The following SCAF8 variants were observed in gnomAD, a reference collection of about 807,000 sequenced individuals.
SCAF8 encodes SR-related and CTD-associated factor 8.
Under a neutral mutation model 140.5 loss-of-function variants are expected in SCAF8, and 23 were observed. The ratio of observed to expected loss-of-function variants is 0.16; its 90% CI spans 0.12 to 0.23. SCAF8 has a LOEUF of 0.23. Among genes scored for constraint, SCAF8 ranks in the 10% least tolerant of loss-of-function variants. The pLI, the probability that SCAF8 is intolerant of heterozygous loss-of-function variation, is 1.00. For synonymous variants in SCAF8, 575 were observed against 528.9 expected (o/e 1.09, Z -1.20); for missense variants, 1,397 against 1,555.7 (o/e 0.90, Z 1.72).
At chr6:154,749,365 T>C (rs1778784751) in intron 1 of SCAF8, among the ~76,000 whole-genome samples, 1 of 152,150 alleles carries the variant, frequency 6.6e-6, no homozygotes, top group African/African-American at 2.4e-5. Context: ...TAGCATCTGG[T>C]GGTTGGAAAG....
chr6:154,737,224 A>G (rs1032196391), intron 1 of SCAF8, among the ~76,000 whole-genome samples: 7 of 152,340 alleles, frequency 4.6e-5, no homozygotes, highest in Admixed American at 4.6e-4. Context: ...AAAGGTGTTT[A>G]TCTTTGGGTT....
At chr6:154,811,205 T>C (rs903559116) in intron 12 of SCAF8, among the ~76,000 whole-genome samples, 1 of 152,194 alleles carries the variant, frequency 6.6e-6, no homozygotes, top group Admixed American at 6.5e-5. Flanking sequence ...ATTTTAGTGC[T>C]GGCTGATAAA....
intron 10 of SCAF8, 64 bp downstream of exon 10, chr6:154,808,265 T>G: frequency 6.8e-7 from 1 of 1,460,596 alleles, no homozygotes; most frequent in South Asian, 1.2e-5. Flanking sequence ...CATAAAATAT[T>G]TTATACTAGC....
chr6:154,807,869 G>C (rs1359466069), intron 9 of SCAF8, among the ~76,000 whole-genome samples: 1 of 152,096 alleles, frequency 6.6e-6, no homozygotes, highest in Non-Finnish European at 1.5e-5. Context: ...TTATGGAGCT[G>C]TTCTCTGCTT....
At chr6:154,796,716 T>G (rs1007434531) in intron 6 of SCAF8, among the ~76,000 whole-genome samples, 1 of 152,146 alleles carries the variant, frequency 6.6e-6, no homozygotes, top group Non-Finnish European at 1.5e-5. Context: ...CTCACACTTG[T>G]AATCCCAGTA....
chr6:154,741,795 T>C (rs779370482), intron 1 of SCAF8, among the ~76,000 whole-genome samples: 1 of 152,238 alleles, frequency 6.6e-6, no homozygotes, highest in Non-Finnish European at 1.5e-5. Flanking sequence ...TATCTCTTTC[T>C]AAGGCCAGTT....
At chr6:154,773,026 C>T (rs1349830782) in intron 1 of SCAF8, among the ~76,000 whole-genome samples, 1 of 152,178 alleles carries the variant, frequency 6.6e-6, no homozygotes, top group African/African-American at 2.4e-5. Context: ...TCCCAAAGTG[C>T]TGGAATTACA....
chr6:154,736,286 T>G (rs1201070312), intron 1 of SCAF8, among the ~76,000 whole-genome samples: 2 of 143,606 alleles, frequency 1.4e-5, no homozygotes, highest in Non-Finnish European at 3.1e-5. Flanking sequence ...TTTTTTTTTT[T>G]GGAGACGGAG....
At position 154,815,769 on chromosome 6, in the gene SCAF8, G is replaced by A; in HGVS notation, c.1474G>A (p.Asp492Asn). 1 of 1,613,252 alleles carries A rather than the reference G, an allele frequency of 6.2e-7. No homozygotes were observed. Among genetic ancestry groups the A allele is most frequent in the African/African-American group, 1.3e-5 (1 of 75,034 alleles). ...GQVDKKATQQ[D>N]LTNLFEEFGQ... ...AGTGGACAAGAAGGCAACACAGCAA[G>A]ACTTAACCAACCTGTTTGAAGAGTT... Residue 492 changes from aspartate to asparagine, a missense_variant, in exon 13 of 20, where the codon GAC becomes AAC. By Grantham distance (23) the Asp-to-Asn change is conservative. Around this residue, in one of 5 missense-constraint regions of SCAF8, gnomAD observed 59 missense variants for 110.7 expected, o/e 0.53. Transcript: ENST00000367178.
chr6:154,764,506 A>G (rs1776505903), intron 1 of SCAF8, among the ~76,000 whole-genome samples: 1 of 152,220 alleles, frequency 6.6e-6, no homozygotes, highest in Non-Finnish European at 1.5e-5. Context: ...TTTAGGAAGC[A>G]TTTAGGAAGT....
chr6:154,827,424 A>G (rs908652994), intron 18 of SCAF8, among the ~76,000 whole-genome samples, 184 bp downstream of exon 18: 2 of 150,848 alleles, frequency 1.3e-5, no homozygotes, highest in African/African-American at 4.9e-5. Flanking sequence ...GTTGTCTTAA[A>G]CTCTTATGAT....
chr6:154,735,343 CT>C (rs1360731527), intron 1 of SCAF8, among the ~76,000 whole-genome samples: 1 of 151,914 alleles, frequency 6.6e-6, no homozygotes, highest in Non-Finnish European at 1.5e-5. Context: ...GTTTTAATTT[CT>C]TTAAAAAGAA....
chr6:154,793,795 A>G (rs1331800462), intron 5 of SCAF8, among the ~76,000 whole-genome samples: 2 of 147,632 alleles, frequency 1.4e-5, no homozygotes, highest in African/African-American at 2.5e-5. Context: ...AGCCTGGGCA[A>G]CAAGAGCAAA....
intron 17 of SCAF8, 70 bp downstream of exon 17, chr6:154,824,448 T>G (rs1466372522): frequency 1.4e-6 from 2 of 1,397,426 alleles, no homozygotes; most frequent in African/African-American, 2.8e-5. Context: ...CTTCCAGATT[T>G]AAGTACCATA....
chr6:154,759,091 T>A (rs879282855), intron 1 of SCAF8, among the ~76,000 whole-genome samples: 7 of 152,178 alleles, frequency 4.6e-5, no homozygotes, highest in Non-Finnish European at 1.0e-4. Flanking sequence ...CAGGTTTGAC[T>A]CTGGTTTCCA....
chr6:154,833,701 T>A lies in SCAF8; in HGVS notation c.*306T>A. On this transcript the variant is annotated 3_prime_UTR_variant, in exon 20 of 20. Transcript: ENST00000367178. ...GAGACTTCCTATGGAAGAAAGAATT[T>A]TTTAGATACTATCATTAGGTTGGAT... The A allele has an allele frequency of 4.1e-6, 1 of 241,502 alleles. No homozygotes were observed. Among genetic ancestry groups the A allele is most frequent in the Non-Finnish European group, 8.0e-6 (1 of 125,260 alleles). 15.0% of individuals were successfully genotyped at this position (241,502 alleles called of 1,614,324 possible).
intron 1 of SCAF8, among the ~76,000 whole-genome samples, chr6:154,737,475 A>T (rs891381481): frequency 6.6e-6 from 1 of 152,144 alleles, no homozygotes; most frequent in African/African-American, 2.4e-5. Context: ...CAGGAGTTCC[A>T]TGCTAGCCTG....
intron 5 of SCAF8, among the ~76,000 whole-genome samples, chr6:154,794,765 G>T (rs1387688359): frequency 8.5e-5 from 8 of 94,316 alleles, no homozygotes; most frequent in African/African-American, 3.6e-4. Flanking sequence ...TTGGTGGGGG[G>T]GGGGGGGTGT....
intron 8 of SCAF8, among the ~76,000 whole-genome samples, chr6:154,804,202 G>T (rs534754741): frequency 3.0e-3 from 461 of 152,212 alleles, no homozygotes; most frequent in Non-Finnish European, 5.1e-3. Context: ...ATGGAAGAAG[G>T]ATGAATGGTG....
Sources: gnomAD v4.1 joint callset for allele counts (sites outside exome capture counted in the v4.1 genomes callset) on GRCh38, gnomAD v4.1.1 for gene constraint, gnomAD v4.1.1 regional missense constraint, MANE v1.5 for transcripts, NCBI Gene and HGNC (gene_info 2026-07-23, HGNC 2026-07-21) for gene names.